PLK5: variants seen among roughly 807,000 people sequenced by gnomAD.
PLK5 encodes the protein inactive serine/threonine-protein kinase PLK5.
Under a neutral mutation model 33.7 loss-of-function variants are expected in PLK5, and 28 were observed. The observed-to-expected ratio is 0.83, with a 90% CI of 0.62 to 1.14. The LOEUF is 1.14. Among genes scored for constraint, PLK5 ranks in the 50% most tolerant of loss-of-function variants. The probability of loss-of-function intolerance (pLI) is 0.00; values close to 1 mark genes in which losing one functional copy is unlikely to be tolerated. For synonymous variants in PLK5, 225 were observed against 202.2 expected, an observed-to-expected ratio of 1.11 and a Z score of -0.96; for missense variants, 492 against 461.5, an observed-to-expected ratio of 1.07 and a Z score of -0.61.
chr19:1,531,386 G>T (rs1028608431), intron 11 of PLK5, among the ~76,000 whole-genome samples: 1 of 151,432 alleles, frequency 6.6e-6, no homozygotes, highest in African/African-American at 2.4e-5. Flanking sequence ...TCCAGCCTGG[G>T]GACAGAGCAA....
chr19:1,529,224 C>T (rs573174316), intron 9 of PLK5, among the ~76,000 whole-genome samples, 182 bp from the exon 10 acceptor site: 1 of 152,360 alleles, frequency 6.6e-6, no homozygotes, highest in Non-Finnish European at 1.5e-5. Flanking sequence ...CAGTCCATCA[C>T]ATTTATTGAG....
Position 1,524,112 on chromosome 19 carries a change from C to G in PLK5, c.-678C>G, listed in dbSNP as rs1012406643. The G allele has an allele frequency of 3.1e-4, 47 of 151,102 alleles. No individual in the cohort carries two copies. The highest frequency in any genetic ancestry group is 1.0e-3 in the African/African-American group (43 of 41,326). The allele number at this position is 151,102 out of a possible 1,614,324, so 9.4% of individuals were successfully genotyped here. On this transcript the variant is annotated 5_prime_UTR_variant, in exon 1 of 14. Coordinates refer to ENST00000454744, the MANE Select transcript of PLK5 (RefSeq NM_001243079.2). The surrounding 1 kb of genome is among the most constrained non-coding windows in gnomAD (Gnocchi z 4.5). ...CGGAGCGGCCGCAGCGCGGTGGTCTCGGCCCGGCTGCGCCAGAGTCCGCGC... is the reference window on the plus strand; with the variant it reads ...CGGAGCGGCCGCAGCGCGGTGGTCTGGGCCCGGCTGCGCCAGAGTCCGCGC...
chr19:1,533,386 C>A (rs34501382), intron 12 of PLK5, among the ~76,000 whole-genome samples: 1 of 151,948 alleles, frequency 6.6e-6, no homozygotes, highest in Admixed American at 6.6e-5. Context: ...CCACCGCGCC[C>A]GGCCTTAACA....
At position 1,531,777 on chromosome 19, in the gene PLK5, G is replaced by T; in HGVS notation, c.608G>T (p.Trp203Leu). Residue 203 changes from tryptophan to leucine, a missense_variant, in exon 12 of 14, where the codon TGG becomes TTG. By Grantham distance (61) the Trp-to-Leu change is moderately conservative. Transcript: ENST00000454744. ...CTGGGAGAGCAGCAGCCCATCCTCT[G>T]GGCCCCCAAATGGGTGGATTATTCC... ...DPLGEQQPIL[W>L]APKWVDYSSK... 6.5e-7 allele frequency: 1 copy of T among 1,535,910 alleles called. No homozygotes were observed.
chr19:1,533,011 G>T (rs1386236271), intron 12 of PLK5, among the ~76,000 whole-genome samples: 1 of 151,316 alleles, frequency 6.6e-6, no homozygotes, highest in Non-Finnish European at 1.5e-5. Flanking sequence ...GTATGCATCA[G>T]TAGGTCCCAG....
chr19:1,532,377 A>G (rs1913956434), intron 12 of PLK5, among the ~76,000 whole-genome samples: 1 of 152,070 alleles, frequency 6.6e-6, no homozygotes, highest in Non-Finnish European at 1.5e-5. Context: ...CATCTCCACA[A>G]AAAAATTAAA....
intron 11 of PLK5, 107 bp downstream of exon 11, chr19:1,529,931 A>C: frequency 8.4e-7 from 1 of 1,190,772 alleles, no homozygotes; most frequent in Non-Finnish European, 1.2e-6. Flanking sequence ...GGTGAGGAGT[A>C]GGGGTGAGGG....
chr19:1,528,197 G>A, intron 7 of PLK5, 63 bp downstream of exon 7: 1 of 1,531,312 alleles, frequency 6.5e-7, no homozygotes, highest in South Asian at 1.2e-5. Context: ...ATGAGCCAGA[G>A]CCTGCCCTGC....
intron 13 of PLK5, among the ~76,000 whole-genome samples, chr19:1,534,669 T>C (rs1308945199): frequency 7.8e-6 from 1 of 127,766 alleles, no homozygotes; most frequent in Non-Finnish European, 1.7e-5. Flanking sequence ...AAAAAAAAAT[T>C]AGCCGGGCGT....
chr19:1,534,291 A>C (rs1445850603), intron 13 of PLK5, among the ~76,000 whole-genome samples: 1 of 148,522 alleles, frequency 6.7e-6, no homozygotes, highest in Non-Finnish European at 1.5e-5. Context: ...GGCAGATCGC[A>C]AGGTGAAGAG....
At chr19:1,529,959 G>A in intron 11 of PLK5, 135 bp downstream of exon 11, 1 of 894,390 alleles carries the variant, frequency 1.1e-6, no homozygotes, top group Non-Finnish European at 1.7e-6. Flanking sequence ...AGGACACGGT[G>A]ACATCAGGAG....
At chr19:1,533,687 T>A in intron 12 of PLK5, 1 of 593,706 alleles carries the variant, frequency 1.7e-6, no homozygotes, top group African/African-American at 1.9e-5. Context: ...GCCTGGGCTG[T>A]CCAGGACAGA....
chr19:1,534,499 T>G (rs1482925935), intron 13 of PLK5, among the ~76,000 whole-genome samples: 1 of 112,538 alleles, frequency 8.9e-6, no homozygotes, highest in African/African-American at 3.8e-5. Context: ...AGAGCAAGAC[T>G]TCGTCTCAAA....
chr19:1,532,956 G>A lies in PLK5; in HGVS notation c.715-975G>A, dbSNP rs943189027. Reference sequence around the variant, plus strand: ...GCTGGGATTACAGGCGTGAGCCACCGCGCCTGGCCAAGTTTTTTTTTTTTT... The same window carrying A: ...GCTGGGATTACAGGCGTGAGCCACCACGCCTGGCCAAGTTTTTTTTTTTTT... On this transcript the variant is annotated intron_variant, in intron 12 of 13. Coordinates refer to ENST00000454744, the MANE Select transcript of PLK5 (RefSeq NM_001243079.2). Among the ~76,000 whole-genome samples, 5 of 151,784 alleles carry A rather than the reference G, an allele frequency of 3.3e-5. No homozygotes were observed. In the East Asian group the frequency reaches 5.8e-4, roughly 18 times the overall value.
At chr19:1,529,239 T>A (rs1387399114) in intron 9 of PLK5, among the ~76,000 whole-genome samples, 167 bp from the exon 10 acceptor site, 1 of 152,126 alleles carries the variant, frequency 6.6e-6, no homozygotes, top group Admixed American at 6.6e-5. Context: ...ATTGAGCACC[T>A]ACTGTATGCC....
At chr19:1,529,671 G>C (rs1913869116) in intron 10 of PLK5, 76 bp from the exon 11 acceptor site, 1 of 1,455,496 alleles carries the variant, frequency 6.9e-7, no homozygotes. Context: ...ATGGAGCCGT[G>C]GGGAGGGGGA....
chr19:1,527,602 TAA>T (rs11400311), intron 6 of PLK5, among the ~76,000 whole-genome samples: 1 of 147,278 alleles, frequency 6.8e-6, no homozygotes, highest in African/African-American at 2.5e-5. Context: ...ACCCTGTCTT[TAA>T]AAAAAAAAAA....
chr19:1,526,616 G>A lies in PLK5; in HGVS notation c.-183+1G>A. ...ATCCTGCACCGCGACCTGAAGCTCA[G>A]TGAGTGCCAGGAAGGGGAACTGTGG... On this transcript the variant is annotated splice_donor_variant, in intron 4 of 13. Coordinates refer to ENST00000454744, the MANE Select transcript of PLK5 (RefSeq NM_001243079.2). LOFTEE classifies it low-confidence loss of function (5UTR_SPLICE). 2.8e-6 allele frequency: 1 copy of A among 356,780 alleles called. No homozygotes were observed. Among genetic ancestry groups the A allele is most frequent in the South Asian group, 2.3e-5 (1 of 43,128 alleles). The allele number at this position is 356,780 out of a possible 1,614,324, so 22.1% of individuals were successfully genotyped here.
At chr19:1,530,604 ATTTTTTTTTTTTTTTTT>A (rs759461067) in intron 11 of PLK5, among the ~76,000 whole-genome samples, 63 of 36,552 alleles carry the variant, frequency 1.7e-3, no homozygotes, top group African/African-American at 6.0e-3. Flanking sequence ...GCCTGGGCGC[ATTTTTTTTTTTTTTTTT>A]TTTTTTTTTT....
Sources: gnomAD v4.1 joint callset for allele counts (sites outside exome capture counted in the v4.1 genomes callset) on GRCh38, gnomAD v4.1.1 for gene constraint, Gnocchi (gnomAD v3.1) non-coding constraint, MANE v1.5 for transcripts, NCBI Gene and HGNC (gene_info 2026-07-23, HGNC 2026-07-21) for gene names.